LMX1B: variants seen among roughly 807,000 people sequenced by gnomAD.
The protein encoded by LMX1B is LIM homeobox transcription factor 1 beta.
Under a neutral mutation model 51.4 loss-of-function variants are expected in LMX1B, and 12 were observed. The observed-to-expected ratio is 0.23, with a 90% CI of 0.15 to 0.38. The LOEUF (loss-of-function observed/expected upper bound fraction) is 0.38. Ranked by LOEUF, LMX1B falls within the 10% of genes least tolerant of loss-of-function variation. The pLI is 1.00. For synonymous variants in LMX1B, 237 were observed against 235.4 expected (o/e 1.01, Z -0.06); for missense variants, 445 against 571.1 (o/e 0.78, Z 2.25).
chr9:126,693,231 C>A lies in LMX1B; in HGVS notation c.649C>A (p.Arg217=). ...KGSGDDGKDP[R]RPKRPRTILT... ...CAGCGGGGATGACGGGAAGGACCCG[C>A]GGAGGCCCAAGCGACCCCGGACCAT... is the stretch of plus-strand genomic sequence containing the variant. The change falls in exon 4 of 8, where the codon CGG becomes AGG. Residue 217 remains arginine (R), a synonymous_variant. Transcript: ENST00000373474. 6.2e-7 allele frequency: 1 copy of A among 1,611,212 alleles called. No individual in the cohort carries two copies.
At chr9:126,633,310 A>G (rs1835662511) in intron 2 of LMX1B, among the ~76,000 whole-genome samples, 1 of 152,226 alleles carries the variant, frequency 6.6e-6, no homozygotes, top group Admixed American at 6.5e-5. Flanking sequence ...CTGCTGAGGT[A>G]TGACAACCTC....
chr9:126,647,713 G>A (rs1210056487), intron 2 of LMX1B, among the ~76,000 whole-genome samples: 2 of 152,240 alleles, frequency 1.3e-5, no homozygotes, highest in African/African-American at 4.8e-5. Context: ...CCTGCACAGG[G>A]CAGTGTGGAG....
At chr9:126,664,390 A>C (rs1164605666) in intron 2 of LMX1B, among the ~76,000 whole-genome samples, 1 of 151,856 alleles carries the variant, frequency 6.6e-6, no homozygotes, top group East Asian at 1.9e-4. Context: ...CCCCCACCCA[A>C]ACAGACAGCC....
At chr9:126,666,830 G>A (rs1243694933) in intron 2 of LMX1B, among the ~76,000 whole-genome samples, 1 of 152,178 alleles carries the variant, frequency 6.6e-6, no homozygotes, top group Admixed American at 6.5e-5. Context: ...ATGAGGGCCT[G>A]CAGAGGGGCG....
At chr9:126,624,305 C>A (rs1056713746) in intron 2 of LMX1B, among the ~76,000 whole-genome samples, 9 of 152,216 alleles carry the variant, frequency 5.9e-5, no homozygotes, top group African/African-American at 1.2e-4. Context: ...GCCAGTGATT[C>A]TCCTTGGAGC....
chr9:126,669,697 A>G (rs1836415328), intron 2 of LMX1B, among the ~76,000 whole-genome samples: 1 of 152,148 alleles, frequency 6.6e-6, no homozygotes, highest in South Asian at 2.1e-4. Flanking sequence ...TCTCTGTGCA[A>G]GTAGGTGCCA....
chr9:126,671,114 T>C lies in LMX1B; in HGVS notation c.327-19722T>C, dbSNP rs1836440945. Reference sequence around the variant, plus strand: ...GACACCTCCCATACTCTCCAGAGTTTGGCACCCAGGCACAGCCCCATGCCC... The same window carrying C: ...GACACCTCCCATACTCTCCAGAGTTCGGCACCCAGGCACAGCCCCATGCCC... On this transcript the variant is annotated intron_variant, in intron 2 of 7. Transcript: ENST00000373474. This position sits in a 1 kb window ranked among gnomAD's most constrained non-coding sequence, Gnocchi z 4.4. Among the ~76,000 whole-genome samples the C allele has an allele frequency of 6.6e-6, 1 of 152,130 alleles. No homozygotes were observed. The highest frequency in any genetic ancestry group is 6.5e-5 in the Admixed American group (1 of 15,272).
intron 2 of LMX1B, among the ~76,000 whole-genome samples, chr9:126,666,867 G>A (rs1836350974): frequency 6.6e-6 from 1 of 152,202 alleles, no homozygotes; most frequent in Non-Finnish European, 1.5e-5. Flanking sequence ...AGAGGAAGAG[G>A]CCTGGGCGAA....
intron 2 of LMX1B, among the ~76,000 whole-genome samples, chr9:126,649,113 G>A (rs1461885727): frequency 2.0e-5 from 3 of 151,954 alleles, no homozygotes; most frequent in Non-Finnish European, 4.4e-5. Context: ...CCTACAGGCT[G>A]ACCATTTGAC....
At chr9:126,617,467 C>CGTAA in intron 2 of LMX1B, among the ~76,000 whole-genome samples, 1 of 151,710 alleles carries the variant, frequency 6.6e-6, no homozygotes, top group South Asian at 2.1e-4. Context: ...CCCCACTCCC[C>CGTAA]ATAATTATTT....
chr9:126,633,645 C>T (rs867374795), intron 2 of LMX1B, among the ~76,000 whole-genome samples: 15 of 152,280 alleles, frequency 9.9e-5, no homozygotes, highest in Non-Finnish European at 1.5e-4. Flanking sequence ...GCAGAGGCCA[C>T]GGAGTCCACC....
chr9:126,661,770 A>C (rs1031619433), intron 2 of LMX1B, among the ~76,000 whole-genome samples: 18 of 152,002 alleles, frequency 1.2e-4, no homozygotes, highest in African/African-American at 4.3e-4. Flanking sequence ...GCCCCTCTCT[A>C]TCCTTGGAGC....
At chr9:126,662,083 A>G (rs1252448801) in intron 2 of LMX1B, among the ~76,000 whole-genome samples, 1 of 152,166 alleles carries the variant, frequency 6.6e-6, no homozygotes, top group Non-Finnish European at 1.5e-5. Context: ...CTGCAGAATA[A>G]AGAAAGCTGG....
At chr9:126,646,722 A>G (rs4837101) in intron 2 of LMX1B, among the ~76,000 whole-genome samples, 7,786 of 152,274 alleles carry the variant, frequency 0.051, 661 homozygotes, top group East Asian at 0.42. Flanking sequence ...TCTTGGTCCA[A>G]TCAGCAAATC....
rs181173090 is a variant in LMX1B, at chr9:126,653,088, C to T, written c.326+37519C>T. Among the ~76,000 whole-genome samples the T allele has an allele frequency of 1.3e-4, 20 of 151,560 alleles. No individual in the cohort carries two copies. The East Asian group carries it at 3.1e-3, about 24-fold the overall frequency. ...TGATTTAGCTTAAAACACATCCCCC[C>T]ATCCCAAACCCAAACCCATTCCCCT... On this transcript the variant is annotated intron_variant, in intron 2 of 7. Transcript: ENST00000373474.
At chr9:126,686,709 C>T (rs993362044) in intron 2 of LMX1B, among the ~76,000 whole-genome samples, 3 of 152,110 alleles carry the variant, frequency 2.0e-5, no homozygotes, top group Non-Finnish European at 4.4e-5. Context: ...TGGAGATGCA[C>T]AGAGCAGGGA....
Position 126,615,475 on chromosome 9 carries a change from G to A in LMX1B, c.232G>A (p.Glu78Lys), listed in dbSNP as rs1835285480. Residue 78 changes from glutamate (E) to lysine (K), a missense_variant, in exon 2 of 8, where the codon GAG (glutamate) becomes AAG (lysine). Physicochemically the swap from Glu to Lys is moderately conservative, Grantham distance 56. This residue lies in a region of LMX1B where 273 missense variants were observed against 343.3 expected (regional missense o/e 0.80). Coordinates refer to ENST00000373474, the MANE Select transcript of LMX1B (RefSeq NM_001174147.2). This position sits in a 1 kb window ranked among gnomAD's most constrained non-coding sequence, Gnocchi z 6.0. ...GCGAGTCAACGAGTCGTCCTGGCAC[G>A]AGGAGTGTTTGCAGTGCGCGGCGTG... is the stretch of plus-strand genomic sequence containing the variant. ...LMRVNESSWH[E>K]ECLQCAACQQ... is the part of the protein sequence containing the mutation. 1.2e-6 allele frequency: 2 copies of A among 1,611,160 alleles called. No homozygotes were observed. Among genetic ancestry groups the A allele is most frequent in the Non-Finnish European group, 8.5e-7 (1 of 1,178,638 alleles).
Position 126,615,331 on chromosome 9 carries a change from G to T in LMX1B, c.140-52G>T. Reference sequence around the variant, plus strand: ...GTGGGCCCGGTGCGACCGGGACGCCGGGGCTGGGCCGGGCGGCGCTGACGG... The same window carrying T: ...GTGGGCCCGGTGCGACCGGGACGCCTGGGCTGGGCCGGGCGGCGCTGACGG... On this transcript the variant is annotated intron_variant, in intron 1 of 7. Transcript: ENST00000373474. The surrounding 1 kb of genome is among the most constrained non-coding windows in gnomAD (Gnocchi z 6.0). The T allele has an allele frequency of 7.1e-7, 1 of 1,398,760 alleles. No individual in the cohort carries two copies. The highest frequency in any genetic ancestry group is 1.5e-5 in the South Asian group (1 of 67,292). The allele number at this position is 1,398,760 out of a possible 1,614,324, so 86.6% of individuals were successfully genotyped here. A position where few individuals can be genotyped will look rare whatever the true frequency, so the allele number is the denominator to read the frequency against.
chr9:126,633,815 T>C (rs748341948), intron 2 of LMX1B, among the ~76,000 whole-genome samples: 3 of 152,212 alleles, frequency 2.0e-5, no homozygotes, highest in Non-Finnish European at 2.9e-5. Context: ...AAGGATCACA[T>C]TATTTCATTC....
Sources: gnomAD v4.1 joint callset for allele counts (sites outside exome capture counted in the v4.1 genomes callset) on GRCh38, gnomAD v4.1.1 for gene constraint, gnomAD v4.1.1 regional missense constraint, Gnocchi (gnomAD v3.1) non-coding constraint, MANE v1.5 for transcripts, NCBI Gene and HGNC (gene_info 2026-07-23, HGNC 2026-07-21) for gene names.